NFATC2: variants seen among roughly 807,000 people sequenced by gnomAD.
NFATC2 encodes the protein nuclear factor of activated T-cells, cytoplasmic 2.
Under a neutral mutation model 87.3 loss-of-function variants are expected in NFATC2, and 22 were observed. The ratio of observed to expected loss-of-function variants is 0.25; its 90% CI spans 0.18 to 0.36. The LOEUF (loss-of-function observed/expected upper bound fraction) is 0.36, where lower values mean the gene tolerates loss of function less well. NFATC2 is among the 10% of genes least tolerant of loss of function. NFATC2 has a pLI of 1.00. For synonymous variants in NFATC2, 565 were observed against 542.2 expected (o/e 1.04, Z -0.58); for missense variants, 1,149 against 1,259.1 (o/e 0.91, Z 1.32).
intron 1 of NFATC2, among the ~76,000 whole-genome samples, chr20:51,552,736 C>T (rs2076944653): frequency 6.6e-6 from 1 of 152,130 alleles, no homozygotes; most frequent in South Asian, 2.1e-4. Context: ...AGGAGCTCCA[C>T]CAAGTCCATC....
At chr20:51,479,490 A>C (rs74988191) in intron 3 of NFATC2, among the ~76,000 whole-genome samples, 1 of 152,146 alleles carries the variant, frequency 6.6e-6, no homozygotes, top group Non-Finnish European at 1.5e-5. Context: ...ATAGTGTCGC[A>C]CGTCCGTAGT....
At position 51,523,212 on chromosome 20, in the gene NFATC2, G is replaced by A; in HGVS notation, c.1029C>T (p.Arg343=). 1 of 1,614,014 alleles carries A rather than the reference G, an allele frequency of 6.2e-7. No individual in the cohort carries two copies. Among genetic ancestry groups the A allele is most frequent in the East Asian group, 2.2e-5 (1 of 44,882 alleles). ...SAAPSKAGLP[R]HIYPAVEFLG... is the part of the protein sequence containing the mutation. ...GGAACTCCACGGCCGGGTAGATGTG[G>A]CGAGGCAGGCCGGCCTTGGATGGGG... Residue 343 remains arginine, a synonymous_variant, in exon 2 of 11, where the codon CGC becomes CGT. Transcript: ENST00000371564. This position sits in a 1 kb window ranked among gnomAD's most constrained non-coding sequence, Gnocchi z 6.9.
rs1375635328 is a variant in NFATC2 at position 51,523,110 on chromosome 20, C to T, written c.1131G>A (p.Lys377=). 4 of 1,614,258 alleles carry T rather than the reference C, an allele frequency of 2.5e-6. No homozygotes were observed. The Admixed American group carries it at 5.0e-5, about 20-fold the overall frequency. The change falls in exon 2 of 11, where the codon AAG becomes AAA. Residue 377 remains lysine, a synonymous_variant. Transcript: ENST00000371564. This position sits in a 1 kb window ranked among gnomAD's most constrained non-coding sequence, Gnocchi z 6.9. ...AGATGGGAATGGCAGGCACCAGCGG[C>T]TTGGGCCAAGTGGGCGGAACCAGCA... ...SILLVPPTWP[K]PLVPAIPICS... is the part of the protein sequence containing the mutation.
intron 1 of NFATC2, among the ~76,000 whole-genome samples, chr20:51,558,771 T>G (rs2076999073): frequency 6.6e-6 from 1 of 152,218 alleles, no homozygotes; most frequent in Non-Finnish European, 1.5e-5. Flanking sequence ...TTACATTTAC[T>G]AAATATTATT....
intron 9 of NFATC2, among the ~76,000 whole-genome samples, chr20:51,416,077 C>A (rs572288258): frequency 1.4e-4 from 21 of 152,190 alleles, no homozygotes; most frequent in African/African-American, 5.1e-4. Flanking sequence ...GCCTGGCCAA[C>A]AAAGCGAGAC....
intron 3 of NFATC2, among the ~76,000 whole-genome samples, chr20:51,516,302 T>A (rs1376582265): frequency 6.6e-6 from 1 of 152,246 alleles, no homozygotes; most frequent in Non-Finnish European, 1.5e-5. Flanking sequence ...TAACAGAGGC[T>A]GGCGTGTTTG....
chr20:51,513,515 A>G (rs181048888), intron 3 of NFATC2, among the ~76,000 whole-genome samples: 1 of 152,344 alleles, frequency 6.6e-6, no homozygotes, highest in Non-Finnish European at 1.5e-5. Flanking sequence ...AAACAAAGTC[A>G]CATGCATGAA....
At chr20:51,487,945 C>T (rs886294325) in intron 3 of NFATC2, among the ~76,000 whole-genome samples, 5 of 152,056 alleles carry the variant, frequency 3.3e-5, no homozygotes, top group Admixed American at 1.3e-4. Context: ...CTCAGCACGG[C>T]GAGACGGCGC....
In NFATC2 at chr20:51,460,639, CTT is replaced by C. The variant is rs11479407; in HGVS notation, c.1709-5953_1709-5952del. Among the ~76,000 whole-genome samples the C allele has an allele frequency of 1.3e-3, 186 of 145,392 alleles. 1 individual carries two copies. Among genetic ancestry groups the C allele is most frequent in the Middle Eastern group, 3.5e-3 (1 of 288 alleles). Reference sequence around the variant, plus strand: ...TGAGCCATAACCCAGGTTTCTTCTTCTTTTTTTTTTTTTAATAGAGACTGGAT... The same window carrying C: ...TGAGCCATAACCCAGGTTTCTTCTTCTTTTTTTTTTTAATAGAGACTGGAT... On this transcript the variant is annotated intron_variant, in intron 5 of 10. Transcript: ENST00000371564.
intron 1 of NFATC2, among the ~76,000 whole-genome samples, chr20:51,557,572 G>A (rs2076989506): frequency 1.3e-5 from 2 of 152,142 alleles, no homozygotes; most frequent in Non-Finnish European, 2.9e-5. Context: ...CTGTTGGATG[G>A]CCCAGGAGAA....
chr20:51,488,576 A>T (rs2075824589), intron 3 of NFATC2, among the ~76,000 whole-genome samples: 1 of 152,222 alleles, frequency 6.6e-6, no homozygotes, highest in African/African-American at 2.4e-5. Context: ...TCTTAAATTA[A>T]GCTAACATTT....
Position 51,432,564 on chromosome 20 carries a change from T to C in NFATC2, c.2225A>G (p.Tyr742Cys). 1 of 1,537,776 alleles carries C rather than the reference T, an allele frequency of 6.5e-7. No individual in the cohort carries two copies. Among genetic ancestry groups the C allele is most frequent in the South Asian group, 1.3e-5 (1 of 78,476 alleles). Residue 742 changes from tyrosine to cysteine, a missense_variant, in exon 9 of 11, where the codon TAC becomes TGC. Transcript: ENST00000371564. The surrounding 1 kb of genome is among the most constrained non-coding windows in gnomAD (Gnocchi z 4.6). ...TACGGCCGCTGGGTTCTGTTGCTGG[T>C]AGCGGGCGTCAGGGGATGAGAGCCC... ...RTGLSSPDAR[Y>C]QQQNPAAVLY...
At chr20:51,428,729 G>A (rs1027923044) in intron 9 of NFATC2, among the ~76,000 whole-genome samples, 1 of 152,212 alleles carries the variant, frequency 6.6e-6, no homozygotes, top group African/African-American at 2.4e-5. Context: ...GAGGACCTGT[G>A]TGTCCACTGG....
intron 9 of NFATC2, among the ~76,000 whole-genome samples, chr20:51,401,964 G>A (rs1052112185): frequency 1.3e-5 from 2 of 152,312 alleles, no homozygotes; most frequent in Middle Eastern, 6.8e-3. Context: ...ACGTTTGAAT[G>A]GGATGGAATT....
intron 6 of NFATC2, among the ~76,000 whole-genome samples, chr20:51,439,289 A>G (rs1474252870): frequency 6.6e-6 from 1 of 152,190 alleles, no homozygotes; most frequent in East Asian, 1.9e-4. Context: ...CAGCACCCAT[A>G]GGAGGCAGGT....
In NFATC2 at chr20:51,432,983, A is replaced by G. The variant is rs1360428879; in HGVS notation, c.2033-227T>C. Among the ~76,000 whole-genome samples the G allele has an allele frequency of 6.6e-6, 1 of 152,188 alleles. No individual in the cohort carries two copies. The highest frequency in any genetic ancestry group is 2.4e-5 in the African/African-American group (1 of 41,510). On this transcript the variant is annotated intron_variant, in intron 8 of 10. Transcript: ENST00000371564. The surrounding 1 kb of genome is among the most constrained non-coding windows in gnomAD (Gnocchi z 4.6). ...ACATCTTGAATTATAGATTTTTCCAATATTGGAAAGGTGGCTGGTAGGTCT... is the reference window on the plus strand; with the variant it reads ...ACATCTTGAATTATAGATTTTTCCAGTATTGGAAAGGTGGCTGGTAGGTCT...
At chr20:51,540,159 C>T (rs1405558660) in intron 1 of NFATC2, among the ~76,000 whole-genome samples, 2 of 152,150 alleles carry the variant, frequency 1.3e-5, no homozygotes, top group Non-Finnish European at 2.9e-5. Flanking sequence ...AATTACAGTG[C>T]CTTCCACCAT....
Position 51,432,538 on chromosome 20 carries a change from G to A in NFATC2, c.2251C>T (p.Leu751Phe). 1.3e-6 allele frequency: 2 copies of A among 1,551,972 alleles called. No individual in the cohort carries two copies. Among genetic ancestry groups the A allele is most frequent in the Non-Finnish European group, 1.7e-6 (2 of 1,150,920 alleles). The part of the protein sequence containing the change: ...RYQQQNPAAV[L>F]YQRSKSLSPS... Reference sequence around the variant, plus strand: ...CTCAGGCTCTTGCTCCGCTGGTAGAGTACGGCCGCTGGGTTCTGTTGCTGG... The same window carrying A: ...CTCAGGCTCTTGCTCCGCTGGTAGAATACGGCCGCTGGGTTCTGTTGCTGG... Residue 751 changes from leucine to phenylalanine, a missense_variant, in exon 9 of 11, where the codon CTC becomes TTC. Leu to Phe is a conservative substitution (Grantham distance 22, BLOSUM62 0). Coordinates refer to ENST00000371564, the MANE Select transcript of NFATC2 (RefSeq NM_012340.5). This position sits in a 1 kb window ranked among gnomAD's most constrained non-coding sequence, Gnocchi z 4.6.
chr20:51,433,412 G>A (rs769597828), intron 8 of NFATC2, among the ~76,000 whole-genome samples: 9 of 152,070 alleles, frequency 5.9e-5, no homozygotes, highest in Non-Finnish European at 4.4e-5. Context: ...TACCTGGCAG[G>A]AACAATCATA....
Sources: allele counts gnomAD v4.1 joint callset (sites outside exome capture counted in the v4.1 genomes callset), GRCh38; gene constraint gnomAD v4.1.1; non-coding constraint Gnocchi (gnomAD v3.1); transcripts MANE v1.5; gene names NCBI Gene and HGNC (gene_info 2026-07-23, HGNC 2026-07-21).